The following OSMR variants were observed in gnomAD, a reference collection of about 807,000 sequenced individuals.
OSMR encodes the protein oncostatin M receptor.
In OSMR, 81 loss-of-function variants were observed where a neutral mutation model predicts 99.9. The ratio of observed to expected loss-of-function variants is 0.81; its 90% CI spans 0.68 to 0.97. The LOEUF (loss-of-function observed/expected upper bound fraction) is 0.97. Among genes scored for constraint, OSMR ranks in the 50% least tolerant of loss-of-function variants. The probability of loss-of-function intolerance (pLI) is 0.00; values close to 1 mark genes in which losing one functional copy is unlikely to be tolerated. For synonymous variants in OSMR, 406 were observed against 410.4 expected, an observed-to-expected ratio of 0.99 and a Z score of 0.13; for missense variants, 1,099 against 1,153.4, an observed-to-expected ratio of 0.95 and a Z score of 0.68.
chr5:38,917,567 T>A lies in OSMR; in HGVS notation c.1307T>A (p.Val436Asp), dbSNP rs34324145. The A allele has an allele frequency of 3.4e-3, 5,471 of 1,613,678 alleles. 14 individuals are homozygous for A. The highest frequency in any genetic ancestry group is 4.3e-3 in the Non-Finnish European group (5,025 of 1,179,612). Residue 436 changes from valine to aspartate, a missense_variant, in exon 10 of 18, where the codon GTC becomes GAC. Physicochemically the swap from Val to Asp is radical, Grantham distance 152. Transcript: ENST00000274276. The part of the protein sequence containing the change: ...LEAAPSEAPD[V>D]WRIVSLEPGN... ...TCAGCTCCCTCAGAGGCCCCTGATG[T>A]CTGGAGAATTGTGAGCTTGGAGCCA... is the stretch of plus-strand genomic sequence containing the variant.
intron 1 of OSMR, among the ~76,000 whole-genome samples, chr5:38,861,945 G>A (rs1318232708): frequency 8.5e-5 from 11 of 129,480 alleles, no homozygotes; most frequent in Admixed American, 2.2e-4. Context: ...CCTCCCACCC[G>A]GACGGGGTGG....
At chr5:38,916,373 T>G (rs1355468331) in intron 9 of OSMR, among the ~76,000 whole-genome samples, 2 of 152,220 alleles carry the variant, frequency 1.3e-5, no homozygotes, top group Non-Finnish European at 2.9e-5. Context: ...CTACCTTGAG[T>G]TCAAATCTTG....
rs538309410 is a variant in OSMR at position 38,851,404 on chromosome 5, A to C, written c.-14+5017A>C. Among the ~76,000 whole-genome samples, 4 of 152,252 alleles carry C rather than the reference A, an allele frequency of 2.6e-5. No homozygotes were observed. The South Asian group carries it at 8.3e-4, about 32-fold the overall frequency. ...CCAGAAACACATGTGCAAGAGATTTACTGGGGGAAGGACTTGTAAGGGGAA... is the reference window on the plus strand; with the variant it reads ...CCAGAAACACATGTGCAAGAGATTTCCTGGGGGAAGGACTTGTAAGGGGAA... On this transcript the variant is annotated intron_variant, in intron 1 of 17. Coordinates refer to ENST00000274276, the MANE Select transcript of OSMR (RefSeq NM_003999.3).
chr5:38,880,666 A>G (rs768823290), intron 3 of OSMR, among the ~76,000 whole-genome samples: 7 of 152,188 alleles, frequency 4.6e-5, no homozygotes, highest in Non-Finnish European at 8.8e-5. Context: ...AACCAAAGAC[A>G]TTGCCTGAGC....
At chr5:38,876,179 T>G (rs914861246) in intron 2 of OSMR, 22 bp from the exon 3 acceptor site, 6 of 1,600,546 alleles carry the variant, frequency 3.7e-6, no homozygotes, top group Non-Finnish European at 5.1e-6. Flanking sequence ...TATTATTTCA[T>G]ACTTCATTTT....
At chr5:38,897,797 T>C (rs1744616680) in intron 7 of OSMR, among the ~76,000 whole-genome samples, 2 of 152,158 alleles carry the variant, frequency 1.3e-5, no homozygotes, top group South Asian at 2.1e-4. Context: ...CTGCATCTTA[T>C]AGGTTTTGGT....
intron 1 of OSMR, among the ~76,000 whole-genome samples, chr5:38,846,926 TCTTCATCTGCC>T (rs1167127983): frequency 6.6e-6 from 1 of 152,210 alleles, no homozygotes; most frequent in Non-Finnish European, 1.5e-5. Flanking sequence ...TCTCGATAGT[TCTTCATCTGCC>T]CTTCATCCAC....
chr5:38,932,516 T>TG lies in OSMR; in HGVS notation c.2349dup (p.Ser784ValfsTer18), dbSNP rs770297644. 3.7e-6 allele frequency: 6 copies of TG among 1,613,396 alleles called. No homozygotes were observed. The Admixed American group carries it at 6.7e-5, about 18-fold the overall frequency. On this transcript the variant is annotated frameshift_variant, in exon 17 of 18. Transcript: ENST00000274276. LOFTEE classifies it low-confidence loss of function (END_TRUNC). ...CCTGACCCTTACAAGAGCAGCATCCTGTCATTAATAAAATTCAAGGTAAAT... is the reference window on the plus strand; with the variant it reads ...CCTGACCCTTACAAGAGCAGCATCCTGGTCATTAATAAAATTCAAGGTAAAT...
intron 2 of OSMR, 196 bp from the exon 3 acceptor site, chr5:38,876,005 T>C (rs1343662204): frequency 8.3e-6 from 2 of 241,392 alleles, no homozygotes; most frequent in Non-Finnish European, 1.3e-5. Flanking sequence ...ATTTCATTCA[T>C]CTAGATCTTA....
chr5:38,879,556 G>A (rs953375089), intron 3 of OSMR, among the ~76,000 whole-genome samples: 3 of 152,058 alleles, frequency 2.0e-5, no homozygotes, highest in Admixed American at 6.5e-5. Flanking sequence ...GCATTAGAGC[G>A]AAGTTGCCAT....
intron 1 of OSMR, among the ~76,000 whole-genome samples, chr5:38,860,074 T>C (rs1376760297): frequency 6.6e-6 from 1 of 152,202 alleles, no homozygotes; most frequent in Non-Finnish European, 1.5e-5. Flanking sequence ...TTCTCTTGCC[T>C]GATTGCTTTA....
At chr5:38,870,509 T>C (rs763137861) in intron 2 of OSMR, among the ~76,000 whole-genome samples, 2 of 152,108 alleles carry the variant, frequency 1.3e-5, no homozygotes, top group Non-Finnish European at 2.9e-5. Context: ...TTTTTTTGTA[T>C]TTTCAAACAG....
At chr5:38,895,319 T>C (rs890766738) in intron 7 of OSMR, among the ~76,000 whole-genome samples, 4 of 152,122 alleles carry the variant, frequency 2.6e-5, no homozygotes, top group African/African-American at 7.2e-5. Flanking sequence ...ACTGGTTTTT[T>C]GAAAGGATAA....
intron 2 of OSMR, among the ~76,000 whole-genome samples, chr5:38,872,946 GTAAT>G (rs2112278937): frequency 1.3e-5 from 2 of 152,292 alleles, no homozygotes; most frequent in South Asian, 4.1e-4. Context: ...TTTATCATGA[GTAAT>G]TAGTGACATT....
At chr5:38,903,690 C>A (rs1288148324) in intron 7 of OSMR, 192 bp from the exon 8 acceptor site, 3 of 683,062 alleles carry the variant, frequency 4.4e-6, no homozygotes, top group Non-Finnish European at 5.4e-6. Context: ...TCAATGCATG[C>A]AGTAGAATCA....
In OSMR at chr5:38,859,241, G is replaced by GT. The variant is rs1741091826; in HGVS notation, c.-13-9788dup. 2.0e-5 allele frequency among the ~76,000 whole-genome samples: 3 copies of GT among 152,206 alleles called. No homozygotes were observed. In the South Asian group the frequency reaches 6.2e-4, roughly 32 times the overall value. On this transcript the variant is annotated intron_variant, in intron 1 of 17. Coordinates refer to ENST00000274276, the MANE Select transcript of OSMR (RefSeq NM_003999.3). ...AGTATTTTTATAGTTTAGGCATTAT[G>GT]TTTAAGTGTATAATCCATTTGGAGT...
At chr5:38,878,764 A>T (rs930701343) in intron 3 of OSMR, among the ~76,000 whole-genome samples, 5 of 152,240 alleles carry the variant, frequency 3.3e-5, no homozygotes, top group African/African-American at 1.2e-4. Context: ...TTAAAGAAAA[A>T]AAATCAATGA....
intron 1 of OSMR, chr5:38,942,148 A>G: frequency 2.3e-6 from 1 of 432,594 alleles, no homozygotes; most frequent in Non-Finnish European, 4.2e-6. Context: ...TAGGAAAGTC[A>G]GCAGTTCCAA....
chr5:38,864,362 C>T (rs775117535), intron 1 of OSMR, among the ~76,000 whole-genome samples: 7 of 152,018 alleles, frequency 4.6e-5, no homozygotes, highest in Non-Finnish European at 8.8e-5. Context: ...TATATTTTCA[C>T]GTGTTTTCAT....
Sources: allele counts gnomAD v4.1 joint callset (sites outside exome capture counted in the v4.1 genomes callset), GRCh38; gene constraint gnomAD v4.1.1; transcripts MANE v1.5; gene names NCBI Gene and HGNC (gene_info 2026-07-23, HGNC 2026-07-21).